The following PCMTD2 variants were observed in gnomAD, a reference collection of about 807,000 sequenced individuals.
PCMTD2 encodes protein-L-isoaspartate O-methyltransferase domain-containing protein 2.
PCMTD2 carries 16 observed loss-of-function variants against 33.4 expected under a neutral mutation model. The observed-to-expected ratio is 0.48, with a 90% CI of 0.32 to 0.73. PCMTD2 has a LOEUF of 0.73. Ranked by LOEUF, PCMTD2 falls within the 30% of genes least tolerant of loss-of-function variation. The probability of loss-of-function intolerance (pLI) is 0.03; values close to 1 mark genes in which losing one functional copy is unlikely to be tolerated. For missense variants in PCMTD2, 374 were observed against 449.9 expected, an observed-to-expected ratio of 0.83 and a Z score of 1.53; for synonymous variants, 161 against 160.8, an observed-to-expected ratio of 1.00 and a Z score of -0.01.
In PCMTD2 at chr20:64,273,494, C is replaced by A. The variant is rs559960598; in HGVS notation, c.980C>A (p.Pro327Gln). The A allele has an allele frequency of 6.2e-7, 1 of 1,609,056 alleles. No homozygotes were observed. Among genetic ancestry groups the A allele is most frequent in the Non-Finnish European group, 8.5e-7 (1 of 1,178,274 alleles). ...ERREEEEKTP[P>Q]ETKPDPPVNF... ...AGGGAAGAAGAAGAGAAGACCCCGCCGGAAACAAAGCCAGACCCCCCAGTG... is the reference window on the plus strand; with the variant it reads ...AGGGAAGAAGAAGAGAAGACCCCGCAGGAAACAAAGCCAGACCCCCCAGTG... Residue 327 changes from proline (P) to glutamine (Q), a missense_variant, in exon 6 of 6, where the codon CCG (proline) becomes CAG (glutamine). Transcript: ENST00000308824.
chr20:64,265,320 C>G lies in PCMTD2; in HGVS notation c.473C>G (p.Ser158Cys), dbSNP rs900296620. The G allele has an allele frequency of 1.9e-6, 3 of 1,611,730 alleles. No homozygotes were observed. The highest frequency in any genetic ancestry group is 2.5e-6 in the Non-Finnish European group (3 of 1,179,236). ...TGCCTGGAGATTTCTCCGGATTGTT[C>G]TCAGTATGATCGTGTATACTGTGGG... is the stretch of plus-strand genomic sequence containing the variant. ...GNCLEISPDC[S>C]QYDRVYCGAG... The change falls in exon 4 of 6, where the codon TCT becomes TGT. Residue 158 changes from serine (S) to cysteine (C), a missense_variant. By Grantham distance (112) the Ser-to-Cys change is moderately radical (BLOSUM62 -1). Transcript: ENST00000308824.
At chr20:64,271,771 C>A (rs1011461680) in intron 5 of PCMTD2, 6 of 168,290 alleles carry the variant, frequency 3.6e-5, no homozygotes, top group Non-Finnish European at 7.7e-5. Flanking sequence ...GTGCCTTGGG[C>A]CAGGGGAGCA....
At chr20:64,263,912 T>C (rs900150110) in intron 2 of PCMTD2, among the ~76,000 whole-genome samples, 3 of 152,266 alleles carry the variant, frequency 2.0e-5, no homozygotes, top group Non-Finnish European at 4.4e-5. Flanking sequence ...AGCACTGTCA[T>C]CATTAAGTGG....
rs1986084262 is a variant in PCMTD2 at position 64,276,134 on chromosome 20, G to A, written c.*2534G>A. 1 of 152,226 alleles carries A rather than the reference G, an allele frequency of 6.6e-6. No homozygotes were observed. The highest frequency in any genetic ancestry group is 2.4e-5 in the African/African-American group (1 of 41,550). The allele number at this position is 152,226 out of a possible 1,614,324, so 9.4% of individuals were successfully genotyped here. A position where few individuals can be genotyped will look rare whatever the true frequency, so the allele number is the denominator to read the frequency against. ...TATTAACATCATGTGTTTACTTTCA[G>A]CAAATATTTGTATTACTGCTTGATT... On this transcript the variant is annotated 3_prime_UTR_variant, in exon 6 of 6. Transcript: ENST00000308824.
At chr20:64,262,518 G>C (rs539735681) in intron 2 of PCMTD2, 1 of 152,366 alleles carries the variant, frequency 6.6e-6, no homozygotes, top group Non-Finnish European at 1.5e-5. Flanking sequence ...TGTCTTGGCT[G>C]TGTCTCCAGA....
chr20:64,260,925 C>T (rs1028023641), intron 2 of PCMTD2, among the ~76,000 whole-genome samples: 1 of 151,992 alleles, frequency 6.6e-6, no homozygotes, highest in Non-Finnish European at 1.5e-5. Flanking sequence ...AACTCCTGGG[C>T]GCCAGCTCTC....
At chr20:64,263,566 T>C (rs77763859) in intron 2 of PCMTD2, among the ~76,000 whole-genome samples, 1,550 of 152,310 alleles carry the variant, frequency 0.01, 51 homozygotes, top group East Asian at 0.098. Context: ...ATTTAAAAAG[T>C]TGACGTGTAA....
chr20:64,272,949 T>C (rs1338315444), intron 5 of PCMTD2, among the ~76,000 whole-genome samples: 1 of 152,250 alleles, frequency 6.6e-6, no homozygotes, highest in African/African-American at 2.4e-5. Flanking sequence ...ACCCAGGTGT[T>C]GATTCCACCA....
intron 4 of PCMTD2, 193 bp downstream of exon 4, chr20:64,265,622 T>C (rs1472776230): frequency 2.3e-6 from 1 of 427,188 alleles, no homozygotes; most frequent in Non-Finnish European, 4.1e-6. Context: ...AGGTGGGTGC[T>C]TCAGAGCCTG....
Position 64,276,023 on chromosome 20 carries a change from C to T in PCMTD2, c.*2423C>T, listed in dbSNP as rs1236118876. ...AATAAAGGTAGTCAGGATATTTTAT[C>T]CTTAGCATTGCTTCTGCATCCTGTG... On this transcript the variant is annotated 3_prime_UTR_variant, in exon 6 of 6. Transcript: ENST00000308824. 2.6e-5 allele frequency: 4 copies of T among 152,314 alleles called. No individual in the cohort carries two copies. In the South Asian group the frequency reaches 8.3e-4, roughly 32 times the overall value. 9.4% of individuals were successfully genotyped at this position (152,314 alleles called of 1,614,324 possible). A position where few individuals can be genotyped will look rare whatever the true frequency, so the allele number is the denominator to read the frequency against.
At chr20:64,271,287 ATGTGAGGTGTT>A in intron 5 of PCMTD2, among the ~76,000 whole-genome samples, 3 of 27,956 alleles carry the variant, frequency 1.1e-4, no homozygotes, top group Admixed American at 4.1e-4. Context: ...GAGGAAGGGC[ATGTGAGGTGTT>A]CGTTGTGAGA....
chr20:64,267,837 C>G, intron 4 of PCMTD2, 50 bp from the exon 5 acceptor site: 1 of 1,550,982 alleles, frequency 6.4e-7, no homozygotes, highest in East Asian at 2.2e-5. Flanking sequence ...TAAATATGAG[C>G]TAAATAGTAG....
chr20:64,258,939 C>T (rs569074117), intron 1 of PCMTD2: 10 of 152,250 alleles, frequency 6.6e-5, no homozygotes, highest in Admixed American at 6.5e-4. Flanking sequence ...AAGACTTCTC[C>T]GCGTGAAAAA....
Position 64,259,970 on chromosome 20 carries a change from G to T in PCMTD2, c.5G>T (p.Gly2Val). The T allele has an allele frequency of 6.2e-7, 1 of 1,605,936 alleles. No homozygotes were observed. Among genetic ancestry groups the T allele is most frequent in the Non-Finnish European group, 8.5e-7 (1 of 1,172,902 alleles). ...TGCCTAAGTGTAATCTTGAACATGG[G>T]CGGTGCTGTGAGTGCTGGTGAAGAC... M[G>V]GAVSAGEDND... The change falls in exon 2 of 6, where the codon GGC becomes GTC. Residue 2 changes from glycine (G) to valine (V), a missense_variant. Gly to Val is a moderately radical substitution (Grantham distance 109). Transcript: ENST00000308824.
At chr20:64,268,988 G>A (rs1402080538) in intron 5 of PCMTD2, among the ~76,000 whole-genome samples, 1 of 152,234 alleles carries the variant, frequency 6.6e-6, no homozygotes, top group African/African-American at 2.4e-5. Context: ...TCCCTAAAGA[G>A]AGAAGAAAGG....
At chr20:64,272,790 A>G (rs1052720076) in intron 5 of PCMTD2, among the ~76,000 whole-genome samples, 3 of 152,236 alleles carry the variant, frequency 2.0e-5, no homozygotes, top group Non-Finnish European at 4.4e-5. Flanking sequence ...CTTGCACCCC[A>G]GCCTGGGTGA....
At position 64,274,812 on chromosome 20, in the gene PCMTD2, G is replaced by C. The variant is rs1349737661; in HGVS notation, c.*1212G>C. 1 of 152,202 alleles carries C rather than the reference G, an allele frequency of 6.6e-6. No homozygotes were observed. Among genetic ancestry groups the C allele is most frequent in the Non-Finnish European group, 1.5e-5 (1 of 68,022 alleles). The allele number at this position is 152,202 out of a possible 1,614,324, so 9.4% of individuals were successfully genotyped here. On this transcript the variant is annotated 3_prime_UTR_variant, in exon 6 of 6. Coordinates refer to ENST00000308824, the MANE Select transcript of PCMTD2 (RefSeq NM_018257.3). ...AAGTGGTAGGGCTAAAAGAACAACA[G>C]CCTTTTTGGTAGTCACATAGCAGAA...
rs559693968 is a variant in PCMTD2 at position 64,264,050 on chromosome 20, T to C, written c.308-379T>C. Among the ~76,000 whole-genome samples, 281 of 152,342 alleles carry C rather than the reference T, an allele frequency of 1.8e-3. 1 individual carries two copies. The highest frequency in any genetic ancestry group is 0.01 in the Middle Eastern group (3 of 294). ...TGATTGAACCCTGTTTTGTGAATAT[T>C]ATAATGCTCACATCTGAGTGTTCTG... On this transcript the variant is annotated intron_variant, in intron 2 of 5. Coordinates refer to ENST00000308824, the MANE Select transcript of PCMTD2 (RefSeq NM_018257.3).
In PCMTD2 at chr20:64,274,083, A is replaced by G. The variant is rs7268486; in HGVS notation, c.*483A>G. ...CACCTGCGTCCAAGTTTGAATTTTT[A>G]TGATATGTACCACTTAATTACTGGC... is the stretch of plus-strand genomic sequence containing the variant. On this transcript the variant is annotated 3_prime_UTR_variant, in exon 6 of 6. Coordinates refer to ENST00000308824, the MANE Select transcript of PCMTD2 (RefSeq NM_018257.3). 0.055 allele frequency: 8,371 copies of G among 153,108 alleles called. 712 individuals are homozygous for G. Among genetic ancestry groups the G allele is most frequent in the African/African-American group, 0.18 (7,652 of 41,578 alleles). 9.5% of individuals were successfully genotyped at this position (153,108 alleles called of 1,614,324 possible).
Sources: allele counts gnomAD v4.1 joint callset (sites outside exome capture counted in the v4.1 genomes callset), GRCh38; gene constraint gnomAD v4.1.1; transcripts MANE v1.5; gene names NCBI Gene and HGNC (gene_info 2026-07-23, HGNC 2026-07-21).